The following KRABD5 variants were observed in gnomAD, a reference collection of about 807,000 sequenced individuals.
KRABD5 encodes KRAB domain-containing protein 5.
the KRABD5 span, among the ~76,000 whole-genome samples, chr16:31,730,635 T>A: frequency 6.6e-6 from 1 of 152,126 alleles, no homozygotes. Context: ...ATATCTTTAA[T>A]CTTTTTTCTT....
the KRABD5 span, among the ~76,000 whole-genome samples, chr16:31,729,227 A>G: frequency 6.6e-6 from 1 of 152,226 alleles, no homozygotes; most frequent in Non-Finnish European, 1.5e-5. Flanking sequence ...TTAAAAATTC[A>G]TTCAGCCACT....
the KRABD5 span, chr16:31,759,304 A>G: frequency 2.6e-6 from 4 of 1,519,036 alleles, no homozygotes; most frequent in Non-Finnish European, 3.6e-6. Context: ...CTGCTCAATG[A>G]GAGAAAAGTT....
chr16:31,738,445 A>G, the KRABD5 span, among the ~76,000 whole-genome samples: 4 of 152,158 alleles, frequency 2.6e-5, no homozygotes, highest in Non-Finnish European at 5.9e-5. Context: ...GTTTATAATT[A>G]TATAATGCTC....
the KRABD5 span, among the ~76,000 whole-genome samples, chr16:31,727,585 T>A: frequency 6.6e-6 from 1 of 152,254 alleles, no homozygotes; most frequent in African/African-American, 2.4e-5. Context: ...GGACATTAAT[T>A]CATCTTTAAA....
chr16:31,733,923 A>G, the KRABD5 span, among the ~76,000 whole-genome samples: 2 of 152,202 alleles, frequency 1.3e-5, no homozygotes, highest in African/African-American at 4.8e-5. Context: ...ACACGGATGT[A>G]GTACCATGTG....
chr16:31,755,673 C>T, the KRABD5 span: 17 of 467,296 alleles, frequency 3.6e-5, no homozygotes, highest in Non-Finnish European at 5.2e-5. Context: ...AATCGATGCT[C>T]AACCCTTACT....
chr16:31,721,706 A>G, the KRABD5 span, among the ~76,000 whole-genome samples: 1 of 152,204 alleles, frequency 6.6e-6, no homozygotes, highest in African/African-American at 2.4e-5. Context: ...TATTCTTGCT[A>G]TTATGTTATA....
At chr16:31,738,729 G>A in the KRABD5 span, among the ~76,000 whole-genome samples, 1 of 151,884 alleles carries the variant, frequency 6.6e-6, no homozygotes, top group African/African-American at 2.4e-5. Flanking sequence ...TTTGTTTTGG[G>A]TTTTGTATCT....
At chr16:31,724,641 G>A in the KRABD5 span, among the ~76,000 whole-genome samples, 2 of 150,074 alleles carry the variant, frequency 1.3e-5, no homozygotes, top group African/African-American at 4.9e-5. Flanking sequence ...GCAGTGAGCC[G>A]AGATCGCGCC....
At chr16:31,715,229 G>C in the KRABD5 span, among the ~76,000 whole-genome samples, 1 of 152,230 alleles carries the variant, frequency 6.6e-6, no homozygotes, top group Admixed American at 6.5e-5. Context: ...CACATATTTT[G>C]TTTTGACCAT....
the KRABD5 span, among the ~76,000 whole-genome samples, chr16:31,745,946 C>CT: frequency 1.5e-4 from 23 of 148,840 alleles, 1 homozygote; most frequent in Admixed American, 4.7e-4. Flanking sequence ...GCAACCCCTG[C>CT]TTTTTTTTTT....
At chr16:31,713,416 A>G in the KRABD5 span, 1 of 1,605,468 alleles carries the variant, frequency 6.2e-7, no homozygotes, top group Non-Finnish European at 8.5e-7. Context: ...ACGCCAGGAC[A>G]TCCCGGAAGC....
At chr16:31,747,112 G>A in the KRABD5 span, among the ~76,000 whole-genome samples, 1 of 151,650 alleles carries the variant, frequency 6.6e-6, no homozygotes, top group African/African-American at 2.4e-5. Context: ...TTAGCATTAG[G>A]TATATCTCTT....
At chr16:31,733,234 CT>C in the KRABD5 span, among the ~76,000 whole-genome samples, 1 of 151,848 alleles carries the variant, frequency 6.6e-6, no homozygotes, top group South Asian at 2.1e-4. Context: ...TTTTTCTTAG[CT>C]GTTAATGATT....
chr16:31,753,382 G>T, the KRABD5 span, among the ~76,000 whole-genome samples: 1 of 152,084 alleles, frequency 6.6e-6, no homozygotes, highest in Non-Finnish European at 1.5e-5. Context: ...GGAAGCAATG[G>T]CCAGTCTTTA....
At chr16:31,726,576 C>A in the KRABD5 span, among the ~76,000 whole-genome samples, 1 of 152,098 alleles carries the variant, frequency 6.6e-6, no homozygotes, top group Non-Finnish European at 1.5e-5. Flanking sequence ...GCCTGGCCAA[C>A]ATGGCAAAAC....
At chr16:31,718,447 C>T in the KRABD5 span, among the ~76,000 whole-genome samples, 1 of 152,142 alleles carries the variant, frequency 6.6e-6, no homozygotes, top group Non-Finnish European at 1.5e-5. Flanking sequence ...TGTGTGGGGT[C>T]TTTTAAGTTT....
At chr16:31,727,017 A>T in the KRABD5 span, among the ~76,000 whole-genome samples, 41 of 152,334 alleles carry the variant, frequency 2.7e-4, no homozygotes, top group Non-Finnish European at 4.4e-4. Context: ...AAATGGAATC[A>T]TAAGAATTTT....
At chr16:31,749,995 T>C in the KRABD5 span, among the ~76,000 whole-genome samples, 1 of 152,202 alleles carries the variant, frequency 6.6e-6, no homozygotes, top group Non-Finnish European at 1.5e-5. Flanking sequence ...TTTGTTCTTT[T>C]GTTTAGGATT....
Sources: allele counts gnomAD v4.1 joint callset (sites outside exome capture counted in the v4.1 genomes callset), GRCh38; gene constraint gnomAD v4.1.1; transcripts MANE v1.5; gene names NCBI Gene and HGNC (gene_info 2026-07-23, HGNC 2026-07-21).